Variants in KCTD19 observed in about 807,000 individuals in gnomAD.
The protein encoded by KCTD19 is potassium channel tetramerization domain containing 19.
In KCTD19, 67 loss-of-function variants were observed where a neutral mutation model predicts 103.5. That is an observed-to-expected ratio of 0.65 (90% confidence interval 0.53 to 0.79). The LOEUF is 0.79. Among genes scored for constraint, KCTD19 ranks in the 30% least tolerant of loss-of-function variants. KCTD19 has a pLI of 0.00. For missense variants in KCTD19, 980 were observed against 1,136.1 expected, an observed-to-expected ratio of 0.86 and a Z score of 1.98; for synonymous variants, 439 against 452.2, an observed-to-expected ratio of 0.97 and a Z score of 0.37.
intron 11 of KCTD19, 108 bp downstream of exon 11, chr16:67,294,472 T>A: frequency 1.3e-6 from 1 of 783,784 alleles, no homozygotes. Flanking sequence ...TAGGCTCTGC[T>A]CTTTCATTTT....
At chr16:67,326,681 C>T (rs748823586) in intron 1 of KCTD19, 24 bp downstream of exon 1, 52 of 1,580,624 alleles carry the variant, frequency 3.3e-5, no homozygotes, top group Middle Eastern at 1.7e-4. Flanking sequence ...GCTTTTGGCG[C>T]CCCCGCCAGA....
intron 2 of KCTD19, among the ~76,000 whole-genome samples, chr16:67,316,210 TA>T (rs1567454229): frequency 1.3e-5 from 2 of 151,922 alleles, no homozygotes; most frequent in African/African-American, 4.8e-5. Flanking sequence ...TCTGGCTAAT[TA>T]AAAAAATTTT....
Position 67,320,591 on chromosome 16 carries a change from G to C in KCTD19, c.298C>G (p.Gln100Glu), listed in dbSNP as rs762908837. 6.2e-7 allele frequency: 1 copy of C among 1,612,952 alleles called. No homozygotes were observed. Among genetic ancestry groups the C allele is most frequent in the South Asian group, 1.1e-5 (1 of 91,000 alleles). ...CCCAGAAAACAAGAGCATCTTACCT[G>C]CAGCAAAGGCATCAGCTGCAAACCC... ...ALGLQLMPLL[Q>E]TLDNLKEGKH... The change falls in exon 2 of 16, where the codon CAG becomes GAG. Residue 100 changes from glutamine to glutamate, a missense_variant and splice_region_variant. By Grantham distance (29) the Gln-to-Glu change is conservative. Transcript: ENST00000304372. This position sits in a 1 kb window ranked among gnomAD's most constrained non-coding sequence, Gnocchi z 4.0.
In KCTD19 at chr16:67,320,697, C is replaced by T; in HGVS notation, c.192G>A (p.Arg64=). ...LFIDRDGSTF[R]HVHYYLYTSK... ...AGGTGTAGAGGTAATAGTGCACGTG[C>T]CTAAATGTGGAACCATCTCTGTCGA... Residue 64 remains arginine (R), a synonymous_variant, in exon 2 of 16, where the codon AGG becomes AGA. Coordinates refer to ENST00000304372, the MANE Select transcript of KCTD19 (RefSeq NM_001100915.3). The surrounding 1 kb of genome is among the most constrained non-coding windows in gnomAD (Gnocchi z 4.0). The T allele has an allele frequency of 5.6e-6, 9 of 1,614,108 alleles. No individual in the cohort carries two copies. The highest frequency in any genetic ancestry group is 6.8e-6 in the Non-Finnish European group (8 of 1,180,018).
intron 14 of KCTD19, 134 bp from the exon 15 acceptor site, chr16:67,291,120 TC>T: frequency 8.4e-7 from 1 of 1,194,610 alleles, no homozygotes; most frequent in South Asian, 1.5e-5. Context: ...CAAATCTGCC[TC>T]TTGGCCGAGG....
Position 67,291,818 on chromosome 16 carries a change from C to T in KCTD19, c.2238G>A (p.Gln746=), listed in dbSNP as rs377131607. 63 of 1,609,222 alleles carry T rather than the reference C, an allele frequency of 3.9e-5. No individual in the cohort carries two copies. The highest frequency in any genetic ancestry group is 1.7e-4 in the Middle Eastern group (1 of 6,056). Residue 746 remains glutamine, a synonymous_variant, in exon 13 of 16, where the codon CAG becomes CAA. Coordinates refer to ENST00000304372, the MANE Select transcript of KCTD19 (RefSeq NM_001100915.3). The stretch of plus-strand genomic sequence containing the variant: ...CCACCTCACTGGCCTCGGGCAGAGG[C>T]TGCTCAGGGGCAGGGCTTTCTGTGA... The part of the protein sequence containing the change: ...TKERESPAPE[Q]PLPEASEVDS...
intron 14 of KCTD19, 48 bp downstream of exon 14, chr16:67,291,261 G>T (rs1310982946): frequency 1.3e-6 from 2 of 1,585,680 alleles, no homozygotes; most frequent in African/African-American, 2.7e-5. Flanking sequence ...AGGGGAAGAG[G>T]TGGAGAAGGT....
At chr16:67,298,480 A>G (rs2036794450) in intron 6 of KCTD19, among the ~76,000 whole-genome samples, 1 of 152,056 alleles carries the variant, frequency 6.6e-6, no homozygotes, top group African/African-American at 2.4e-5. Flanking sequence ...TTCTTGCCTC[A>G]TACGCATCTG....
At chr16:67,313,369 C>CA (rs2036968923) in intron 2 of KCTD19, among the ~76,000 whole-genome samples, 1 of 152,094 alleles carries the variant, frequency 6.6e-6, no homozygotes, top group Non-Finnish European at 1.5e-5. Flanking sequence ...CTTGGCCTCC[C>CA]AAAGTGTTAG....
chr16:67,319,154 C>T lies in KCTD19; in HGVS notation c.300+1435G>A, dbSNP rs1340091973. On this transcript the variant is annotated intron_variant, in intron 2 of 15. Coordinates refer to ENST00000304372, the MANE Select transcript of KCTD19 (RefSeq NM_001100915.3). Reference sequence around the variant, plus strand: ...AGGAGAATCACTTGAACCTGGGAGGCGGAGGTTGCAGTGAGCCGAGATGGC... The same window carrying T: ...AGGAGAATCACTTGAACCTGGGAGGTGGAGGTTGCAGTGAGCCGAGATGGC... 8.0e-5 allele frequency among the ~76,000 whole-genome samples: 12 copies of T among 149,894 alleles called. No homozygotes were observed. The East Asian group carries it at 1.8e-3, about 22-fold the overall frequency.
At chr16:67,309,085 T>C (rs1317494949) in intron 2 of KCTD19, among the ~76,000 whole-genome samples, 3 of 141,230 alleles carry the variant, frequency 2.1e-5, no homozygotes, top group Non-Finnish European at 3.0e-5. Flanking sequence ...GCCGAGATCA[T>C]GCCACTGCAC....
intron 2 of KCTD19, among the ~76,000 whole-genome samples, 156 bp from the exon 3 acceptor site, chr16:67,304,727 G>T (rs561370785): frequency 2.0e-5 from 3 of 151,330 alleles, no homozygotes; most frequent in Non-Finnish European, 4.4e-5. Context: ...GCAGTGGTGC[G>T]ATCTCAGCTC....
rs908624390 is a variant in KCTD19, at chr16:67,295,048, G to A, written c.1400C>T (p.Pro467Leu). 1 of 1,613,838 alleles carries A rather than the reference G, an allele frequency of 6.2e-7. No individual in the cohort carries two copies. Among genetic ancestry groups the A allele is most frequent in the Non-Finnish European group, 8.5e-7 (1 of 1,179,710 alleles). Residue 467 changes from proline to leucine, a missense_variant, in exon 10 of 16, where the codon CCC becomes CTC. Pro to Leu is a moderately conservative substitution (Grantham distance 98). Coordinates refer to ENST00000304372, the MANE Select transcript of KCTD19 (RefSeq NM_001100915.3). ...TTCCTCCACCTCCTGGCAGAAGAGG[G>A]GCCATTCCCTGCAAACAACAAGGAG... ...LFLPSEFKEW[P>L]LFCQEVEEYH... is the part of the protein sequence containing the mutation.
chr16:67,306,569 A>G (rs558741786), intron 2 of KCTD19, among the ~76,000 whole-genome samples: 1 of 151,244 alleles, frequency 6.6e-6, no homozygotes, highest in Non-Finnish European at 1.5e-5. Flanking sequence ...CTGCCTCTCC[A>G]TTTTCTCTCC....
chr16:67,324,094 G>A (rs1361184863), intron 1 of KCTD19, among the ~76,000 whole-genome samples: 1 of 151,852 alleles, frequency 6.6e-6, no homozygotes, highest in Non-Finnish European at 1.5e-5. Flanking sequence ...TGGACAAGAG[G>A]TTGTTGAAAA....
At chr16:67,307,371 T>C (rs558910749) in intron 2 of KCTD19, among the ~76,000 whole-genome samples, 6 of 149,668 alleles carry the variant, frequency 4.0e-5, no homozygotes, top group Non-Finnish European at 8.9e-5. Context: ...TGGAGGGCAG[T>C]GGCCCAATCT....
At chr16:67,298,556 A>C (rs1253420161) in intron 6 of KCTD19, among the ~76,000 whole-genome samples, 1 of 152,138 alleles carries the variant, frequency 6.6e-6, no homozygotes, top group East Asian at 1.9e-4. Context: ...GGGTCTAAAC[A>C]TCAACCCCCT....
At chr16:67,290,817 C>A in intron 15 of KCTD19, 68 bp downstream of exon 15, 1 of 1,397,326 alleles carries the variant, frequency 7.2e-7, no homozygotes, top group Admixed American at 2.0e-5. Flanking sequence ...CCTGGTGCAG[C>A]AAGACACACG....
intron 1 of KCTD19, among the ~76,000 whole-genome samples, chr16:67,325,199 CTTTTTTTCT>C (rs1567456768): frequency 7.6e-6 from 1 of 132,334 alleles, no homozygotes; most frequent in African/African-American, 3.4e-5. Context: ...TTCTTTTTTT[CTTTTTTTCT>C]TTTTTTTTTT....
Sources: gnomAD v4.1 joint callset for allele counts (sites outside exome capture counted in the v4.1 genomes callset) on GRCh38, gnomAD v4.1.1 for gene constraint, Gnocchi (gnomAD v3.1) non-coding constraint, MANE v1.5 for transcripts, NCBI Gene and HGNC (gene_info 2026-07-23, HGNC 2026-07-21) for gene names.